Variants in ANO7 observed in about 807,000 individuals in gnomAD.
The protein encoded by ANO7 is anoctamin 7.
In ANO7, 114 loss-of-function variants were observed where a neutral mutation model predicts 115.8. That is an observed-to-expected ratio of 0.98 (90% CI 0.85 to 1.15). The LOEUF is 1.15. Ranked by LOEUF, ANO7 falls within the 50% of genes most tolerant of loss-of-function variation. The pLI, the probability that ANO7 is intolerant of heterozygous loss-of-function variation, is 0.00. For missense variants in ANO7, 1,302 were observed against 1,201.2 expected, an observed-to-expected ratio of 1.08 and a Z score of -1.24; for synonymous variants, 550 against 498.2, an observed-to-expected ratio of 1.10 and a Z score of -1.38.
chr2:241,226,000 C>T (rs1027330016), downstream of ANO7, among the ~76,000 whole-genome samples: 12 of 152,102 alleles, frequency 7.9e-5, no homozygotes, highest in African/African-American at 1.7e-4. Flanking sequence ...TTTATTGAAA[C>T]GTACGAAAAT....
At chr2:241,219,238 T>C (rs969118631) in intron 21 of ANO7, among the ~76,000 whole-genome samples, 1 of 152,234 alleles carries the variant, frequency 6.6e-6, no homozygotes, top group African/African-American at 2.4e-5. Flanking sequence ...CATCATAGTC[T>C]CCTAATGTTG....
At chr2:241,226,513 C>T (rs1267755281), downstream of ANO7, among the ~76,000 whole-genome samples, 1 of 151,910 alleles carries the variant, frequency 6.6e-6, no homozygotes, top group African/African-American at 2.4e-5. Flanking sequence ...CAAGCTCTGC[C>T]TCCCGGGTTC....
chr2:241,215,973 C>G, intron 18 of ANO7, 120 bp from the exon 19 acceptor site: 2 of 1,295,376 alleles, frequency 1.5e-6, no homozygotes, highest in Non-Finnish European at 1.1e-6. Context: ...CCCATCCCTC[C>G]CTGCTGCCCT....
In ANO7 at chr2:241,204,877, G is replaced by T; in HGVS notation, c.902G>T (p.Gly301Val). The T allele has an allele frequency of 6.2e-7, 1 of 1,613,802 alleles. No homozygotes were observed. ...LYFAWLGFYT[G>V]WLLPAAVVGT... ...ATCCTCTCTACAGGGTTTTACACAGGCTGGCTCCTGCCAGCGGCAGTGGTG... is the reference window on the plus strand; with the variant it reads ...ATCCTCTCTACAGGGTTTTACACAGTCTGGCTCCTGCCAGCGGCAGTGGTG... The change falls in exon 10 of 25, where the codon GGC (glycine) becomes GTC (valine). Residue 301 changes from glycine (G) to valine (V), a missense_variant. Coordinates refer to ENST00000674324, the MANE Select transcript of ANO7 (RefSeq NM_001370694.2).
chr2:241,215,035 G>T, intron 18 of ANO7, 133 bp downstream of exon 18: 1 of 829,584 alleles, frequency 1.2e-6, no homozygotes, highest in South Asian at 1.8e-5. Context: ...GGGAGGGGGA[G>T]GGGGAGTGTG....
At chr2:241,212,056 C>G (rs1264414496) in intron 15 of ANO7, 38 bp from the exon 16 acceptor site, 2 of 1,579,250 alleles carry the variant, frequency 1.3e-6, no homozygotes, top group South Asian at 2.2e-5. Context: ...ATGCTGGTGA[C>G]TCCCCCAGGG....
chr2:241,201,152 C>T (rs771527948), intron 6 of ANO7, 146 bp from the exon 7 acceptor site: 2 of 848,770 alleles, frequency 2.4e-6, no homozygotes, highest in Non-Finnish European at 3.4e-6. Flanking sequence ...GCTGTGTCCG[C>T]AGGCCTGTGC....
intron 22 of ANO7, 125 bp downstream of exon 22, chr2:241,223,401 C>T: frequency 8.4e-7 from 1 of 1,187,072 alleles, no homozygotes; most frequent in Non-Finnish European, 1.3e-6. Flanking sequence ...TTGGTCAAAT[C>T]AGAGCTCTTC....
chr2:241,236,216 C>T, the ANO7 span: 8 of 251,182 alleles, frequency 3.2e-5, no homozygotes, highest in African/African-American at 1.1e-4. Context: ...GCATCCAGTA[C>T]GCAGGTGGCA....
chr2:241,191,317 GC>G, intron 3 of ANO7, 66 bp downstream of exon 3: 1 of 1,584,482 alleles, frequency 6.3e-7, no homozygotes, highest in Non-Finnish European at 8.6e-7. Flanking sequence ...CCACGGGGGT[GC>G]CCCCAGGGGC....
intron 4 of ANO7, among the ~76,000 whole-genome samples, chr2:241,196,986 G>A (rs886809317): frequency 3.3e-5 from 5 of 152,158 alleles, no homozygotes; most frequent in African/African-American, 7.2e-5. Flanking sequence ...TTCCACCATC[G>A]GCAGTGGCCT....
intron 11 of ANO7, 110 bp from the exon 12 acceptor site, chr2:241,209,175 C>A (rs113819759): frequency 2.3e-6 from 3 of 1,285,148 alleles, no homozygotes; most frequent in South Asian, 1.5e-5. Context: ...AATACACAGT[C>A]GGGGGATGTG....
chr2:241,235,577 G>A, the ANO7 span: 1 of 1,613,674 alleles, frequency 6.2e-7, no homozygotes, highest in African/African-American at 1.3e-5. Context: ...CTACTTCAAT[G>A]GTGACAGGAA....
chr2:241,235,127 C>T, the ANO7 span: 1 of 1,613,132 alleles, frequency 6.2e-7, no homozygotes, highest in Non-Finnish European at 8.5e-7. Flanking sequence ...TCACCCGGTC[C>T]TCCTGCTCGG....
At chr2:241,238,728 G>A in the ANO7 span, 2 of 1,582,162 alleles carry the variant, frequency 1.3e-6, no homozygotes, top group Non-Finnish European at 1.7e-6. The surrounding 1 kb of genome is among the most constrained non-coding windows in gnomAD (Gnocchi z 4.9). Flanking sequence ...AACCTTTGGG[G>A]CCCATGACAG....
intron 8 of ANO7, among the ~76,000 whole-genome samples, chr2:241,202,865 A>T (rs2068504352): frequency 6.6e-6 from 1 of 152,184 alleles, no homozygotes; most frequent in Admixed American, 6.5e-5. Flanking sequence ...CCACTGCTGC[A>T]TGGCCAGGGG....
Position 241,217,871 on chromosome 2 carries a change from C to T in ANO7, c.2158C>T (p.His720Tyr), listed in dbSNP as rs748136615. Residue 720 changes from histidine (H) to tyrosine (Y), a missense_variant, in exon 20 of 25, where the codon CAC becomes TAC. Physicochemically the swap from His to Tyr is moderately conservative, Grantham distance 83 (BLOSUM62 2). Coordinates refer to ENST00000674324, the MANE Select transcript of ANO7 (RefSeq NM_001370694.2). Reference sequence around the variant, plus strand: ...GTTCCACATCCTGGCGGGCCTCACGCACCTGGCGGTCATCAGCAACGTGAG... The same window carrying T: ...GTTCCACATCCTGGCGGGCCTCACGTACCTGGCGGTCATCAGCAACGTGAG... The part of the protein sequence containing the change: ...IWFHILAGLT[H>Y]LAVISNAFLL... 3.1e-6 allele frequency: 5 copies of T among 1,594,562 alleles called. No individual in the cohort carries two copies. Among genetic ancestry groups the T allele is most frequent in the Non-Finnish European group, 4.3e-6 (5 of 1,174,896 alleles).
rs2149082577 is a variant in ANO7 at position 241,188,923 on chromosome 2, G to A, written c.-8+157G>A. Among the ~76,000 whole-genome samples, 1 of 152,330 alleles carries A rather than the reference G, an allele frequency of 6.6e-6. No individual in the cohort carries two copies. Among genetic ancestry groups the A allele is most frequent in the East Asian group, 1.9e-4 (1 of 5,184 alleles). On this transcript the variant is annotated intron_variant, in intron 1 of 24. Coordinates refer to ENST00000674324, the MANE Select transcript of ANO7 (RefSeq NM_001370694.2). The surrounding 1 kb of genome is among the most constrained non-coding windows in gnomAD (Gnocchi z 4.3). ...GCCCTGGTCCCCAAAGCCCCTTGGG[G>A]CACGAGGAGGGACACACACTCAGTG... is the stretch of plus-strand genomic sequence containing the variant.
chr2:241,189,822 G>A (rs1477079185), intron 1 of ANO7, among the ~76,000 whole-genome samples: 1 of 152,186 alleles, frequency 6.6e-6, no homozygotes, highest in East Asian at 1.9e-4. Context: ...CGCCTGCTGT[G>A]CCAGGCCTGC....
Sources: allele counts gnomAD v4.1 joint callset (sites outside exome capture counted in the v4.1 genomes callset), GRCh38; gene constraint gnomAD v4.1.1; non-coding constraint Gnocchi (gnomAD v3.1); transcripts MANE v1.5; gene names NCBI Gene and HGNC (gene_info 2026-07-23, HGNC 2026-07-21).